SNX29: variants seen among roughly 807,000 people sequenced by gnomAD.
SNX29 encodes sorting nexin-29.
A neutral mutation model predicts 102.1 loss-of-function variants in SNX29; 78 were observed. The observed-to-expected ratio is 0.76, with a 90% confidence interval of 0.64 to 0.92. The LOEUF is 0.92. Among genes scored for constraint, SNX29 ranks in the 40% least tolerant of loss-of-function variants. The pLI is 0.00. For missense variants in SNX29, 1,280 were observed against 1,061.7 expected, an observed-to-expected ratio of 1.21 and a Z score of -2.86; for synonymous variants, 580 against 414.5, an observed-to-expected ratio of 1.40 and a Z score of -4.85.
intron 16 of SNX29, among the ~76,000 whole-genome samples, chr16:12,383,218 A>G (rs1013584340): frequency 6.6e-6 from 1 of 152,084 alleles, no homozygotes; most frequent in African/African-American, 2.4e-5. Flanking sequence ...ATCCTTCCAG[A>G]CCTTCCTGTT....
At chr16:12,107,184 A>T (rs1263143093) in intron 11 of SNX29, among the ~76,000 whole-genome samples, 2 of 152,122 alleles carry the variant, frequency 1.3e-5, no homozygotes, top group African/African-American at 4.8e-5. Flanking sequence ...GCAAGGCTGC[A>T]CGTGAAGGCG....
At chr16:11,986,093 C>G (rs1408210817) in intron 1 of SNX29, among the ~76,000 whole-genome samples, 9 of 152,064 alleles carry the variant, frequency 5.9e-5, no homozygotes, top group Non-Finnish European at 1.2e-4. Context: ...GTGTGAGACA[C>G]TGTACCTGAC....
intron 15 of SNX29, 34 bp from the exon 16 acceptor site, chr16:12,356,129 C>G (rs751678083): frequency 1.9e-6 from 3 of 1,590,320 alleles, no homozygotes; most frequent in Non-Finnish European, 1.7e-6. Context: ...GAATGTCTGC[C>G]TCTAAGCCTC....
At chr16:12,038,782 C>A (rs1342656105) in intron 4 of SNX29, 2 of 152,210 alleles carry the variant, frequency 1.3e-5, no homozygotes, top group Non-Finnish European at 2.9e-5. Flanking sequence ...TCAAGACAGG[C>A]TGCAGGTGAG....
chr16:12,060,097 G>A (rs1000535112), intron 8 of SNX29, among the ~76,000 whole-genome samples: 11 of 151,936 alleles, frequency 7.2e-5, no homozygotes, highest in African/African-American at 1.9e-4. Context: ...CTGCATCCGT[G>A]AGTTCCGCAT....
At chr16:12,495,230 C>T (rs570747031) in intron 19 of SNX29, among the ~76,000 whole-genome samples, 3 of 152,076 alleles carry the variant, frequency 2.0e-5, no homozygotes, top group East Asian at 3.9e-4. Context: ...CGGCTCACTG[C>T]ACCCTCTACC....
intron 13 of SNX29, among the ~76,000 whole-genome samples, chr16:12,163,121 A>T (rs1224999653): frequency 1.3e-5 from 2 of 152,128 alleles, no homozygotes; most frequent in Non-Finnish European, 2.9e-5. Flanking sequence ...ACCTCAGGTG[A>T]TACGCCCACC....
chr16:12,037,941 T>G (rs1018993842), intron 4 of SNX29, among the ~76,000 whole-genome samples: 28 of 151,460 alleles, frequency 1.8e-4, no homozygotes, highest in Admixed American at 1.2e-3. Context: ...GGCGACAGAG[T>G]GAGACCTTGT....
At chr16:12,360,156 T>C (rs993863401) in intron 16 of SNX29, among the ~76,000 whole-genome samples, 8 of 152,206 alleles carry the variant, frequency 5.3e-5, no homozygotes, top group African/African-American at 1.4e-4. Context: ...TTTCATGATA[T>C]CATGAAATAC....
intron 3 of SNX29, among the ~76,000 whole-genome samples, chr16:12,020,590 T>A (rs1308533376): frequency 5.9e-5 from 9 of 152,048 alleles, no homozygotes; most frequent in Non-Finnish European, 1.3e-4. Flanking sequence ...TGAACCTTTT[T>A]GAAAATTAAT....
At chr16:12,268,558 C>T (rs2079001887) in intron 14 of SNX29, among the ~76,000 whole-genome samples, 1 of 152,186 alleles carries the variant, frequency 6.6e-6, no homozygotes, top group African/African-American at 2.4e-5. Context: ...TTGTAGACAT[C>T]ATTGGCATCT....
At chr16:12,505,517 T>C (rs144198741) in intron 19 of SNX29, among the ~76,000 whole-genome samples, 2 of 152,252 alleles carry the variant, frequency 1.3e-5, no homozygotes, top group African/African-American at 4.8e-5. Flanking sequence ...ACAAATCTTA[T>C]TTTGTATATT....
intron 18 of SNX29, among the ~76,000 whole-genome samples, chr16:12,422,706 A>G (rs759228737): frequency 1.3e-4 from 20 of 151,966 alleles, no homozygotes; most frequent in South Asian, 2.1e-4. Flanking sequence ...TGAGAACCCA[A>G]TCAGCAAACT....
At chr16:12,259,527 G>A (rs1743593747) in intron 14 of SNX29, among the ~76,000 whole-genome samples, 1 of 152,224 alleles carries the variant, frequency 6.6e-6, no homozygotes, top group African/African-American at 2.4e-5. Context: ...GAGAGCTGTG[G>A]CGCAGAGGAC....
At chr16:12,185,646 C>T (rs905373421) in intron 13 of SNX29, among the ~76,000 whole-genome samples, 3 of 152,178 alleles carry the variant, frequency 2.0e-5, no homozygotes, top group Non-Finnish European at 2.9e-5. Flanking sequence ...TTACTGCATT[C>T]GCAGTCCATG....
At chr16:12,099,704 C>G (rs959556505) in intron 11 of SNX29, among the ~76,000 whole-genome samples, 3 of 152,198 alleles carry the variant, frequency 2.0e-5, no homozygotes, top group Admixed American at 6.5e-5. Flanking sequence ...CTTGCACCAG[C>G]CTGCTGTGCC....
chr16:12,290,136 C>T (rs921654196), intron 15 of SNX29, among the ~76,000 whole-genome samples: 1 of 152,156 alleles, frequency 6.6e-6, no homozygotes, highest in African/African-American at 2.4e-5. Flanking sequence ...TAAAACTTAC[C>T]AGTGGCTCAC....
Position 12,356,424 on chromosome 16 carries a change from T to G in SNX29, c.1899+145T>G, listed in dbSNP as rs2082139160. 10 of 646,098 alleles carry G rather than the reference T, an allele frequency of 1.5e-5. No homozygotes were observed. In the South Asian group the frequency reaches 2.0e-4, roughly 13 times the overall value. The allele number at this position is 646,098 out of a possible 1,614,324, so 40.0% of individuals were successfully genotyped here. A position where few individuals can be genotyped will look rare whatever the true frequency, so the allele number is the denominator to read the frequency against. ...CACCTCTGCCACATTTGCTTTTTAT[T>G]TTTTATGGGGAGGGGGTAGAATAAG... is the stretch of plus-strand genomic sequence containing the variant. On this transcript the variant is annotated intron_variant, in intron 16 of 20. Transcript: ENST00000566228.
At chr16:12,088,886 G>A (rs1470728957) in intron 11 of SNX29, among the ~76,000 whole-genome samples, 7 of 152,058 alleles carry the variant, frequency 4.6e-5, no homozygotes, top group East Asian at 1.9e-4. Flanking sequence ...TCAGGAGTTC[G>A]AGACCAGCCT....
Sources: gnomAD v4.1 joint callset for allele counts (sites outside exome capture counted in the v4.1 genomes callset) on GRCh38, gnomAD v4.1.1 for gene constraint, MANE v1.5 for transcripts, NCBI Gene and HGNC (gene_info 2026-07-23, HGNC 2026-07-21) for gene names.